Variants in DDX20 observed in about 807,000 individuals in gnomAD.
DDX20 encodes the protein probable ATP-dependent RNA helicase DDX20.
Under a neutral mutation model 76.4 loss-of-function variants are expected in DDX20, and 61 were observed. The ratio of observed to expected loss-of-function variants is 0.80; its 90% CI spans 0.65 to 0.99. The LOEUF is 0.99. DDX20 is among the 50% of genes least tolerant of loss of function. DDX20 has a pLI of 0.00. For synonymous variants in DDX20, 357 were observed against 357.4 expected (o/e 1.00, Z 0.01); for missense variants, 976 against 996.8 (o/e 0.98, Z 0.28).
At chr1:111,758,038 A>T (rs962678912) in intron 2 of DDX20, among the ~76,000 whole-genome samples, 3 of 149,100 alleles carry the variant, frequency 2.0e-5, no homozygotes, top group African/African-American at 7.6e-5. Context: ...TTGTATTTTT[A>T]GTAGAGACGG....
chr1:111,760,752 T>C lies in DDX20; in HGVS notation c.727T>C (p.Ser243Pro), dbSNP rs146365603. The C allele has an allele frequency of 3.1e-6, 5 of 1,613,802 alleles. No homozygotes were observed. The highest frequency in any genetic ancestry group is 4.2e-6 in the Non-Finnish European group (5 of 1,179,900). Reference sequence around the variant, plus strand: ...TGCCAGTAAACAGATGCTGGCAGTATCAGCTACTTATCCCGAATTTTTGGC... The same window carrying C: ...TGCCAGTAAACAGATGCTGGCAGTACCAGCTACTTATCCCGAATTTTTGGC... ...LPASKQMLAV[S>P]ATYPEFLANA... Residue 243 changes from serine (S) to proline (P), a missense_variant, in exon 5 of 11, where the codon TCA becomes CCA. Coordinates refer to ENST00000369702, the MANE Select transcript of DDX20 (RefSeq NM_007204.5).
At position 111,765,914 on chromosome 1, in the gene DDX20, G is replaced by A; in HGVS notation, c.1490G>A (p.Arg497Lys). The A allele has an allele frequency of 6.2e-7, 1 of 1,613,782 alleles. No individual in the cohort carries two copies. Among genetic ancestry groups the A allele is most frequent in the South Asian group, 1.1e-5 (1 of 90,984 alleles). Residue 497 changes from arginine to lysine, a missense_variant, in exon 11 of 11, where the codon AGA (arginine) becomes AAA (lysine). Transcript: ENST00000369702. ...CATGGTGACCACATGGCTTCCTCTA[G>A]AAATAATTCTGTATCTGGACTATCA... The part of the protein sequence containing the change: ...KAHGDHMASS[R>K]NNSVSGLSVK...
In DDX20 at chr1:111,766,093, TCCA is replaced by T; in HGVS notation, c.1673_1675del (p.Thr558del). On this transcript the variant is annotated inframe_deletion, in exon 11 of 11. Transcript: ENST00000369702. ...TTCTGTTCAGACTCCCGTTGAAAACTCCACCAACAGTCAGCACCAGGTCAAAGA... is the reference window on the plus strand; with the variant it reads ...TTCTGTTCAGACTCCCGTTGAAAACTCCAACAGTCAGCACCAGGTCAAAGA... 2 of 1,614,202 alleles carry T rather than the reference TCCA, an allele frequency of 1.2e-6. No individual in the cohort carries two copies. Among genetic ancestry groups the T allele is most frequent in the Non-Finnish European group, 1.7e-6 (2 of 1,180,034 alleles).
In DDX20 at chr1:111,765,731, A is replaced by G. The variant is rs748986424; in HGVS notation, c.1313-6A>G. 1.3e-6 allele frequency: 2 copies of G among 1,566,042 alleles called. No individual in the cohort carries two copies. Among genetic ancestry groups the G allele is most frequent in the African/African-American group, 2.8e-5 (2 of 72,362 alleles). On this transcript the variant is annotated splice_region_variant and splice_polypyrimidine_tract_variant and intron_variant, in intron 10 of 10. Coordinates refer to ENST00000369702, the MANE Select transcript of DDX20 (RefSeq NM_007204.5). ...TTTTAATACATTTTTCTTCCTTTTT[A>G]TGTAGATCCCATTCCTTCTGGTCTG...
chr1:111,757,849 A>G (rs948917114), intron 2 of DDX20, among the ~76,000 whole-genome samples: 1 of 152,122 alleles, frequency 6.6e-6, no homozygotes, highest in Non-Finnish European at 1.5e-5. Context: ...AATCCTGGAA[A>G]AGTTTCATCA....
At chr1:111,763,354 A>G (rs197406) in intron 10 of DDX20, among the ~76,000 whole-genome samples, 3,129 of 152,132 alleles carry the variant, frequency 0.021, 112 homozygotes, top group African/African-American at 0.071. Context: ...GGTGGATCAC[A>G]TGAGGTCAGG....
intron 8 of DDX20, 124 bp from the exon 9 acceptor site, chr1:111,762,553 C>A: frequency 1.1e-6 from 1 of 909,582 alleles, no homozygotes. Flanking sequence ...ATTTCCTTTT[C>A]CTCTGCTCCT....
In DDX20 at chr1:111,767,350, A is replaced by G. The variant is rs1663804579; in HGVS notation, c.*451A>G. The stretch of plus-strand genomic sequence containing the variant: ...TTCTTGTAGAAATTTGTAGCATGGT[A>G]GATCAGAAAATCCTCTTAGGTTTTA... On this transcript the variant is annotated 3_prime_UTR_variant, in exon 11 of 11. Coordinates refer to ENST00000369702, the MANE Select transcript of DDX20 (RefSeq NM_007204.5). 1 of 153,362 alleles carries G rather than the reference A, an allele frequency of 6.5e-6. No homozygotes were observed. The highest frequency in any genetic ancestry group is 2.1e-4 in the South Asian group (1 of 4,868). 9.5% of individuals were successfully genotyped at this position (153,362 alleles called of 1,614,324 possible).
At position 111,761,301 on chromosome 1, in the gene DDX20, CT is replaced by C; in HGVS notation, c.1021+20del. The C allele has an allele frequency of 6.2e-7, 1 of 1,604,992 alleles. No homozygotes were observed. Among genetic ancestry groups the C allele is most frequent in the Non-Finnish European group, 8.5e-7 (1 of 1,174,714 alleles). ...GCATTTCAGGTAAGTTCATCTCTTA[CT>C]TTAATCTTTATTTAGTATACTGACT... On this transcript the variant is annotated intron_variant, in intron 7 of 10. Transcript: ENST00000369702.
intron 7 of DDX20, chr1:111,761,776 T>C (rs1273891661): frequency 6.4e-6 from 1 of 155,416 alleles, no homozygotes; most frequent in African/African-American, 2.4e-5. Context: ...TTTTGATCAG[T>C]GAGATCCTTT....
Position 111,766,140 on chromosome 1 carries a change from C to T in DDX20, c.1716C>T (p.Leu572=). The T allele has an allele frequency of 6.2e-7, 1 of 1,614,186 alleles. No individual in the cohort carries two copies. Among genetic ancestry groups the T allele is most frequent in the Non-Finnish European group, 8.5e-7 (1 of 1,180,028 alleles). The change falls in exon 11 of 11, where the codon CTC becomes CTT. Residue 572 remains leucine (L), a synonymous_variant. Transcript: ENST00000369702. ...HQVKEALPVS[L]PQIPCLSSFK... is the part of the protein sequence containing the mutation. ...TCAAAGAAGCTTTACCTGTGTCACT[C>T]CCCCAGATTCCTTGTCTGTCTTCCT...
intron 3 of DDX20, among the ~76,000 whole-genome samples, chr1:111,760,214 T>C (rs906651770): frequency 1.3e-4 from 20 of 152,194 alleles, no homozygotes; most frequent in African/African-American, 4.8e-4. Context: ...AGAATCAGCA[T>C]CTTGCATTCA....
intron 3 of DDX20, among the ~76,000 whole-genome samples, chr1:111,759,973 C>CAAAAAAA (rs754870294): frequency 1.9e-4 from 11 of 57,602 alleles, no homozygotes; most frequent in Admixed American, 3.7e-4. Context: ...GACTCCATCT[C>CAAAAAAA]AAAAAAAAAA....
intron 2 of DDX20, among the ~76,000 whole-genome samples, chr1:111,758,504 ACCT>A (rs1418388016): frequency 4.6e-5 from 7 of 151,364 alleles, no homozygotes; most frequent in Admixed American, 2.6e-4. Flanking sequence ...TAGATCTCTG[ACCT>A]CCTTTACTTT....
chr1:111,756,473 A>G (rs1223230371), intron 1 of DDX20, among the ~76,000 whole-genome samples, 173 bp from the exon 2 acceptor site: 1 of 152,212 alleles, frequency 6.6e-6, no homozygotes, highest in Non-Finnish European at 1.5e-5. Context: ...GAGAAGATAA[A>G]CGGTAAACGT....
chr1:111,756,831 T>G, intron 2 of DDX20, 91 bp downstream of exon 2: 1 of 1,042,022 alleles, frequency 9.6e-7, no homozygotes, highest in Non-Finnish European at 1.5e-6. Context: ...GAGCTGGAAG[T>G]GAATTTGATG....
In DDX20 at chr1:111,766,037, G is replaced by T. The variant is rs1156490060; in HGVS notation, c.1613G>T (p.Cys538Phe). ...GCAACGTCACCAAAAGAACTGGGCT[G>T]TGACAGGCAATCCGAAGAGCAAATG... ...EKATSPKELG[C>F]DRQSEEQMKN... Residue 538 changes from cysteine to phenylalanine, a missense_variant, in exon 11 of 11, where the codon TGT becomes TTT. Cys to Phe is a radical substitution (Grantham distance 205, BLOSUM62 -2). Around this residue, in one of 3 missense-constraint regions of DDX20, gnomAD observed 630 missense variants for 693.7 expected, o/e 0.91. Transcript: ENST00000369702. 1.2e-6 allele frequency: 2 copies of T among 1,614,228 alleles called. No individual in the cohort carries two copies. The highest frequency in any genetic ancestry group is 2.7e-5 in the African/African-American group (2 of 75,042).
rs1360019201 is a variant in DDX20, at chr1:111,761,118, C to T, written c.955C>T (p.His319Tyr). 6 of 1,613,342 alleles carry T rather than the reference C, an allele frequency of 3.7e-6. No homozygotes were observed. In the South Asian group the frequency reaches 6.6e-5, roughly 18 times the overall value. The change falls in exon 6 of 11, where the codon CAC becomes TAC. Residue 319 changes from histidine to tyrosine, a missense_variant. By Grantham distance (83) the His-to-Tyr change is moderately conservative (BLOSUM62 2). This residue lies in a region of DDX20 where 630 missense variants were observed against 693.7 expected (regional missense o/e 0.91). Transcript: ENST00000369702. The stretch of plus-strand genomic sequence containing the variant: ...TCAAGCTTTAGTCTTTTCTAATTTG[C>T]ACAGCAGGTAATGTAACTTAAAAGG... ...FNQALVFSNL[H>Y]SRAQHLADIL...
chr1:111,764,757 A>G (rs1452835212), intron 10 of DDX20, among the ~76,000 whole-genome samples: 2 of 152,228 alleles, frequency 1.3e-5, no homozygotes, highest in Non-Finnish European at 2.9e-5. Context: ...CCCTGAAATC[A>G]TGAGAAAATG....
Sources: allele counts gnomAD v4.1 joint callset (sites outside exome capture counted in the v4.1 genomes callset), GRCh38; gene constraint gnomAD v4.1.1; regional missense constraint gnomAD v4.1.1; transcripts MANE v1.5; gene names NCBI Gene and HGNC (gene_info 2026-07-23, HGNC 2026-07-21).